Variants in COL28A1 observed in about 807,000 individuals in gnomAD.
The protein encoded by COL28A1 is collagen type XXVIII alpha 1 chain.
COL28A1 carries 161 observed loss-of-function variants against 150.2 expected under a neutral mutation model. That is an observed-to-expected ratio of 1.07 (90% CI 0.94 to 1.22). The LOEUF is 1.22. Ranked by LOEUF, COL28A1 falls within the 50% of genes most tolerant of loss-of-function variation. The pLI, the probability that COL28A1 is intolerant of heterozygous loss-of-function variation, is 0.00. For synonymous variants in COL28A1, 552 were observed against 469.7 expected (o/e 1.18, Z -2.26); for missense variants, 1,617 against 1,388.3 (o/e 1.16, Z -2.62).
At chr7:7,541,291 T>A in the COL28A1 span, among the ~76,000 whole-genome samples, 9 of 152,106 alleles carry the variant, frequency 5.9e-5, no homozygotes, top group Admixed American at 5.2e-4. Flanking sequence ...ACAAAATTTA[T>A]AGAAAAGGGG....
At chr7:7,446,187 T>C (rs1237618187) in intron 18 of COL28A1, among the ~76,000 whole-genome samples, 1 of 152,044 alleles carries the variant, frequency 6.6e-6, no homozygotes, top group African/African-American at 2.4e-5. Context: ...CTAATAAAAG[T>C]AAATAAATTT....
intron 19 of COL28A1, among the ~76,000 whole-genome samples, chr7:7,443,986 G>GTTTTTTTTT (rs71010980): frequency 5.2e-5 from 5 of 95,546 alleles, no homozygotes; most frequent in Non-Finnish European, 1.0e-4. Flanking sequence ...TCCATCTGCT[G>GTTTTTTTTT]TTTTTTTTTT....
intron 27 of COL28A1, among the ~76,000 whole-genome samples, chr7:7,392,738 T>G (rs1782618865): frequency 6.6e-6 from 1 of 152,236 alleles, no homozygotes; most frequent in African/African-American, 2.4e-5. Context: ...CTTCAATCTC[T>G]GATATCCTTT....
chr7:7,372,510 C>G (rs1403834839), intron 32 of COL28A1, among the ~76,000 whole-genome samples: 1 of 152,142 alleles, frequency 6.6e-6, no homozygotes, highest in Non-Finnish European at 1.5e-5. Context: ...TTCATAAAAA[C>G]AGAGAATAGA....
At position 7,477,168 on chromosome 7, in the gene COL28A1, G is replaced by C; in HGVS notation, c.1177C>G (p.Pro393Ala). Residue 393 changes from proline to alanine, a missense_variant, in exon 14 of 35, where the codon CCT becomes GCT. By Grantham distance (27) the Pro-to-Ala change is conservative. Transcript: ENST00000399429. ...CCCCTCTCTCCTGGTACTCCCTCAG[G>C]ACCACGGGGACCCTGGTTAGGATAG... ...GEPGQPGPRGPEGVPGERGLP... is the reference protein window; with the variant it reads ...GEPGQPGPRGAEGVPGERGLP... 1 of 1,256,074 alleles carries C rather than the reference G, an allele frequency of 8.0e-7. No homozygotes were observed. Among genetic ancestry groups the C allele is most frequent in the Non-Finnish European group, 1.2e-6 (1 of 852,672 alleles). The allele number at this position is 1,256,074 out of a possible 1,614,324, so 77.8% of individuals were successfully genotyped here. A position where few individuals can be genotyped will look rare whatever the true frequency, so the allele number is the denominator to read the frequency against.
At chr7:7,485,998 G>C (rs568388283) in intron 13 of COL28A1, among the ~76,000 whole-genome samples, 4 of 152,190 alleles carry the variant, frequency 2.6e-5, no homozygotes, top group Admixed American at 6.5e-5. Flanking sequence ...ACAAAATCTT[G>C]CTGGGGTATC....
At chr7:7,408,261 T>A (rs1783598103) in intron 27 of COL28A1, among the ~76,000 whole-genome samples, 1 of 152,150 alleles carries the variant, frequency 6.6e-6, no homozygotes, top group Admixed American at 6.6e-5. Flanking sequence ...GGGCTAAATA[T>A]CTTTATGGAC....
At chr7:7,459,037 T>C (rs1248451672) in intron 15 of COL28A1, among the ~76,000 whole-genome samples, 6 of 152,198 alleles carry the variant, frequency 3.9e-5, no homozygotes, top group Admixed American at 3.3e-4. Context: ...TCTAGTGTTA[T>C]ATGTAAAAGA....
intron 15 of COL28A1, 84 bp downstream of exon 15, chr7:7,474,517 T>C: frequency 1.4e-6 from 1 of 695,564 alleles, no homozygotes; most frequent in Non-Finnish European, 2.5e-6. Flanking sequence ...GGTTGTCATG[T>C]ATACAGTTCA....
chr7:7,453,628 GT>G (rs1482209312), intron 16 of COL28A1, 120 bp from the exon 17 acceptor site: 1 of 643,480 alleles, frequency 1.6e-6, no homozygotes, highest in East Asian at 3.1e-5. Context: ...CATTTGTGGA[GT>G]GGGGTGCCAG....
At chr7:7,355,263 A>T (rs1176461635), downstream of COL28A1, among the ~76,000 whole-genome samples, 5 of 152,166 alleles carry the variant, frequency 3.3e-5, no homozygotes, top group Non-Finnish European at 7.3e-5. Flanking sequence ...TATTTCACAG[A>T]AGCAGCAGCA....
chr7:7,455,349 T>C (rs950122220), intron 16 of COL28A1, among the ~76,000 whole-genome samples: 6 of 152,194 alleles, frequency 3.9e-5, no homozygotes, highest in South Asian at 4.1e-4. Context: ...TAAACAACAG[T>C]AGAGAGTACT....
At chr7:7,540,302 T>C (rs1782762496), upstream of COL28A1, among the ~76,000 whole-genome samples, 1 of 152,254 alleles carries the variant, frequency 6.6e-6, no homozygotes, top group East Asian at 1.9e-4. Flanking sequence ...AATATTTCTA[T>C]TTTTCACTTA....
At position 7,373,385 on chromosome 7, in the gene COL28A1, T is replaced by C. The variant is rs757274499; in HGVS notation, c.2521A>G (p.Asn841Asp). ...DLATARIGII[N>D]YSHKVEKVAN... ...ACCTTCTCCACCTTATGGCTATAGT[T>C]GATTATGCCTATGCGGGCCGTGGCA... The change falls in exon 32 of 35, where the codon AAC becomes GAC. Residue 841 changes from asparagine (N) to aspartate (D), a missense_variant. Coordinates refer to ENST00000399429, the MANE Select transcript of COL28A1 (RefSeq NM_001037763.3). The surrounding 1 kb of genome is among the most constrained non-coding windows in gnomAD (Gnocchi z 4.1). The C allele has an allele frequency of 3.7e-6, 6 of 1,614,058 alleles. No individual in the cohort carries two copies. The highest frequency in any genetic ancestry group is 5.1e-6 in the Non-Finnish European group (6 of 1,180,042).
the COL28A1 span, among the ~76,000 whole-genome samples, chr7:7,541,991 C>G: frequency 2.0e-5 from 3 of 151,680 alleles, no homozygotes; most frequent in Admixed American, 1.3e-4. Flanking sequence ...TTGACAATAC[C>G]ATGCTGCAGG....
chr7:7,380,202 T>C (rs192660285), intron 30 of COL28A1, among the ~76,000 whole-genome samples: 6 of 152,246 alleles, frequency 3.9e-5, no homozygotes, highest in Admixed American at 3.9e-4. Context: ...GCTCAGAAAA[T>C]ACTTATTGAA....
chr7:7,474,056 C>CTCTCTATATATGGAATATA (rs1554281215), intron 15 of COL28A1, among the ~76,000 whole-genome samples: 232 of 139,962 alleles, frequency 1.7e-3, no homozygotes, highest in African/African-American at 5.8e-3. Flanking sequence ...ACTATATACT[C>CTCTCTATATATGGAATATA]TATATATATA....
At chr7:7,411,095 C>T (rs1783765372) in intron 27 of COL28A1, among the ~76,000 whole-genome samples, 1 of 152,132 alleles carries the variant, frequency 6.6e-6, no homozygotes, top group African/African-American at 2.4e-5. Context: ...GAGATTTCCA[C>T]TACAGAATCC....
chr7:7,533,139 C>T (rs1782462051), intron 1 of COL28A1, among the ~76,000 whole-genome samples: 1 of 152,038 alleles, frequency 6.6e-6, no homozygotes, highest in South Asian at 2.1e-4. Flanking sequence ...ATTCAAAGAA[C>T]TATATTTAAG....
Sources: gnomAD v4.1 joint callset for allele counts (sites outside exome capture counted in the v4.1 genomes callset) on GRCh38, gnomAD v4.1.1 for gene constraint, Gnocchi (gnomAD v3.1) non-coding constraint, MANE v1.5 for transcripts, NCBI Gene and HGNC (gene_info 2026-07-23, HGNC 2026-07-21) for gene names.